The following CSMD1 variants were observed in gnomAD, a reference collection of about 807,000 sequenced individuals.
The protein encoded by CSMD1 is CUB and sushi domain-containing protein 1.
Under a neutral mutation model 417.5 loss-of-function variants are expected in CSMD1, and 213 were observed. That is an observed-to-expected ratio of 0.51 (90% CI 0.46 to 0.57). CSMD1 has a LOEUF of 0.57. CSMD1 is among the 20% of genes least tolerant of loss of function. The probability of loss-of-function intolerance (pLI) is 0.00; values close to 1 mark genes in which losing one functional copy is unlikely to be tolerated. For missense variants in CSMD1, 6,923 were observed against 4,529.7 expected (o/e 1.53, Z -15.17); for synonymous variants, 2,862 against 1,736.8 (o/e 1.65, Z -16.11).
intron 3 of CSMD1, among the ~76,000 whole-genome samples, chr8:4,332,816 C>T (rs777606527): frequency 9.2e-5 from 14 of 151,828 alleles, no homozygotes; most frequent in East Asian, 3.9e-4. Flanking sequence ...GAGAAGTTTT[C>T]AGGGAAACTT....
chr8:4,315,635 GATTTT>G (rs947677525), intron 3 of CSMD1, among the ~76,000 whole-genome samples: 7 of 152,046 alleles, frequency 4.6e-5, no homozygotes, highest in African/African-American at 1.4e-4. Flanking sequence ...AAGATAAAAT[GATTTT>G]ATTATAGAAT....
rs181289934 is a variant in CSMD1 at position 3,959,854 on chromosome 8, T to C, written c.818+38049A>G. ...AAGTGATGTAGAGAAAAACTTTCTA[T>C]ATTGTGAGGTATATAACGTGTGATC... On this transcript the variant is annotated intron_variant, in intron 5 of 69. Coordinates refer to ENST00000635120, the MANE Select transcript of CSMD1 (RefSeq NM_033225.6). Among the ~76,000 whole-genome samples, 13 of 152,336 alleles carry C rather than the reference T, an allele frequency of 8.5e-5. No homozygotes were observed. In the East Asian group the frequency reaches 1.9e-3, roughly 23 times the overall value.
intron 1 of CSMD1, among the ~76,000 whole-genome samples, chr8:4,710,675 C>T (rs892359688): frequency 6.6e-6 from 1 of 151,258 alleles, no homozygotes; most frequent in Non-Finnish European, 1.5e-5. Flanking sequence ...GAAACCCCGT[C>T]TCTACTAAAA....
intron 26 of CSMD1, among the ~76,000 whole-genome samples, chr8:3,263,812 T>G (rs140509298): frequency 2.6e-5 from 4 of 152,216 alleles, no homozygotes; most frequent in Admixed American, 6.5e-5. Flanking sequence ...ACTAATAGTT[T>G]TGCTTTCATC....
chr8:4,348,516 A>G (rs901587887), intron 3 of CSMD1, among the ~76,000 whole-genome samples: 1 of 151,692 alleles, frequency 6.6e-6, no homozygotes, highest in Non-Finnish European at 1.5e-5. Flanking sequence ...TTGTATCTGC[A>G]AAGATTTTGA....
At chr8:3,949,540 T>G (rs1811461887) in intron 5 of CSMD1, among the ~76,000 whole-genome samples, 1 of 152,136 alleles carries the variant, frequency 6.6e-6, no homozygotes, top group Admixed American at 6.5e-5. Flanking sequence ...CAACATTAAG[T>G]GTGTCTAATT....
At chr8:4,071,203 C>T (rs1034098602) in intron 3 of CSMD1, among the ~76,000 whole-genome samples, 4 of 151,846 alleles carry the variant, frequency 2.6e-5, no homozygotes, top group Non-Finnish European at 5.9e-5. Context: ...TCTCTTTCTC[C>T]TTCCGGAGTT....
intron 3 of CSMD1, among the ~76,000 whole-genome samples, chr8:4,229,472 G>C (rs1404997783): frequency 6.6e-6 from 1 of 152,128 alleles, no homozygotes; most frequent in Non-Finnish European, 1.5e-5. Flanking sequence ...TCACCAACAA[G>C]CACTTACCAA....
intron 3 of CSMD1, among the ~76,000 whole-genome samples, chr8:4,408,877 G>C (rs879312442): frequency 2.6e-5 from 4 of 152,126 alleles, no homozygotes; most frequent in Non-Finnish European, 2.9e-5. Flanking sequence ...TAGAAACACA[G>C]ATCCTTGTTT....
chr8:2,976,623 A>G (rs1585081373), intron 55 of CSMD1, among the ~76,000 whole-genome samples: 1 of 152,202 alleles, frequency 6.6e-6, no homozygotes, highest in East Asian at 1.9e-4. Flanking sequence ...TGCTGGGATT[A>G]CAGGTGTGAG....
chr8:4,045,620 C>A (rs1454125944), intron 3 of CSMD1, among the ~76,000 whole-genome samples: 5 of 152,112 alleles, frequency 3.3e-5, no homozygotes, highest in African/African-American at 1.2e-4. Context: ...TTAGCTGCAA[C>A]ATAGAAAAGG....
chr8:3,615,890 A>C (rs1360105911), intron 8 of CSMD1, among the ~76,000 whole-genome samples: 1 of 152,180 alleles, frequency 6.6e-6, no homozygotes, highest in African/African-American at 2.4e-5. Context: ...ACATTTCTTG[A>C]ACTCACTGAA....
intron 4 of CSMD1, among the ~76,000 whole-genome samples, chr8:4,015,594 C>A (rs1265002663): frequency 2.8e-5 from 4 of 142,416 alleles, no homozygotes; most frequent in Non-Finnish European, 6.0e-5. Context: ...CATCTTGGCC[C>A]AATGACTATC....
chr8:4,196,662 T>G (rs1300232231), intron 3 of CSMD1, among the ~76,000 whole-genome samples: 1 of 152,188 alleles, frequency 6.6e-6, no homozygotes, highest in East Asian at 1.9e-4. Context: ...TTGTGACCCA[T>G]TCTTCTGCCT....
chr8:4,854,156 G>A (rs1467824636), intron 1 of CSMD1, among the ~76,000 whole-genome samples: 1 of 152,150 alleles, frequency 6.6e-6, no homozygotes, highest in Non-Finnish European at 1.5e-5. Context: ...GCTATTGGCA[G>A]GAGATGATTC....
Position 3,110,177 on chromosome 8 carries a change from T to C in CSMD1, c.6589A>G (p.Asn2197Asp), listed in dbSNP as rs1816413366. The change falls in exon 43 of 70, where the codon AAC becomes GAC. Residue 2197 changes from asparagine (N) to aspartate (D), a missense_variant. Transcript: ENST00000635120. ...TCATACCAAACAGCAATGTAATCGT[T>C]GACAGCTTCCGTCTGTAACAGGGTG... The part of the protein sequence containing the change: ...NFTLLQTEAV[N>D]DYIAVWDGPD... 2 of 1,608,874 alleles carry C rather than the reference T, an allele frequency of 1.2e-6. No homozygotes were observed. Among genetic ancestry groups the C allele is most frequent in the Non-Finnish European group, 8.5e-7 (1 of 1,177,856 alleles).
intron 1 of CSMD1, among the ~76,000 whole-genome samples, chr8:4,922,612 T>A (rs866216235): frequency 7.2e-5 from 11 of 152,180 alleles, no homozygotes; most frequent in Admixed American, 2.6e-4. Context: ...AGAGAAGGTA[T>A]GCAGATAACA....
At chr8:3,283,478 C>T (rs1431841863) in intron 26 of CSMD1, among the ~76,000 whole-genome samples, 1 of 151,774 alleles carries the variant, frequency 6.6e-6, no homozygotes, top group African/African-American at 2.4e-5. Context: ...CATTGCTGGT[C>T]CTGATCTTAT....
chr8:4,036,973 G>A (rs996420422), intron 3 of CSMD1, among the ~76,000 whole-genome samples: 15 of 151,304 alleles, frequency 9.9e-5, no homozygotes, highest in Middle Eastern at 3.4e-3. Flanking sequence ...GTGTGTGTGT[G>A]TGTGTGTGTG....
Sources: allele counts gnomAD v4.1 joint callset (sites outside exome capture counted in the v4.1 genomes callset), GRCh38; gene constraint gnomAD v4.1.1; transcripts MANE v1.5; gene names NCBI Gene and HGNC (gene_info 2026-07-23, HGNC 2026-07-21).